The following SNTG1 variants were observed in gnomAD, a reference collection of about 807,000 sequenced individuals.
SNTG1 encodes gamma-1-syntrophin.
SNTG1 carries 39 observed loss-of-function variants against 74.7 expected under a neutral mutation model. That is an observed-to-expected ratio of 0.52 (90% CI 0.40 to 0.68). SNTG1 has a LOEUF of 0.68. Among genes scored for constraint, SNTG1 ranks in the 30% least tolerant of loss-of-function variants. The probability of loss-of-function intolerance (pLI) is 0.00; values close to 1 mark genes in which losing one functional copy is unlikely to be tolerated. For missense variants in SNTG1, 685 were observed against 609.5 expected, an observed-to-expected ratio of 1.12 and a Z score of -1.30; for synonymous variants, 254 against 217.1, an observed-to-expected ratio of 1.17 and a Z score of -1.49.
intron 2 of SNTG1, among the ~76,000 whole-genome samples, chr8:50,180,357 C>T (rs2083157207): frequency 6.6e-6 from 1 of 152,104 alleles, no homozygotes; most frequent in Non-Finnish European, 1.5e-5. Flanking sequence ...TATGGTACAG[C>T]ATGAGGACTC....
intron 13 of SNTG1, among the ~76,000 whole-genome samples, chr8:50,598,314 A>G (rs1331955160): frequency 6.6e-6 from 1 of 151,932 alleles, no homozygotes; most frequent in African/African-American, 2.4e-5. Context: ...GAGTATAGAC[A>G]TGCAGTTTTC....
At chr8:50,378,948 C>T (rs56370038) in intron 2 of SNTG1, among the ~76,000 whole-genome samples, 7,944 of 152,138 alleles carry the variant, frequency 0.052, 459 homozygotes, top group South Asian at 0.17. Flanking sequence ...ACAGCCTGTC[C>T]CCCAGCCTTC....
intron 1 of SNTG1, among the ~76,000 whole-genome samples, chr8:49,947,827 T>A (rs1190025270): frequency 2.6e-5 from 4 of 152,142 alleles, no homozygotes; most frequent in African/African-American, 9.7e-5. Flanking sequence ...AGGCTCTGTG[T>A]TGATATTAAA....
chr8:50,195,910 G>A (rs1210469240), intron 2 of SNTG1, among the ~76,000 whole-genome samples: 1 of 152,118 alleles, frequency 6.6e-6, no homozygotes, highest in African/African-American at 2.4e-5. Context: ...AAGCTGCTCT[G>A]TCTGGAATTG....
At chr8:50,433,032 C>T (rs569424264) in intron 4 of SNTG1, among the ~76,000 whole-genome samples, 31 of 152,218 alleles carry the variant, frequency 2.0e-4, no homozygotes, top group Non-Finnish European at 3.5e-4. Flanking sequence ...TCCAGTGATC[C>T]ACCTGCCTCG....
intron 2 of SNTG1, among the ~76,000 whole-genome samples, chr8:50,337,685 G>A (rs890325492): frequency 3.9e-5 from 6 of 152,146 alleles, no homozygotes; most frequent in Non-Finnish European, 7.3e-5. Context: ...TGTTAGGGTC[G>A]CAACCCATGG....
chr8:50,580,223 T>G (rs1052626357), intron 12 of SNTG1, among the ~76,000 whole-genome samples: 1 of 152,232 alleles, frequency 6.6e-6, no homozygotes, highest in Non-Finnish European at 1.5e-5. Context: ...TTTGACAAAT[T>G]TGTCCCATTT....
intron 4 of SNTG1, among the ~76,000 whole-genome samples, chr8:50,417,768 C>T (rs1455309094): frequency 1.3e-5 from 2 of 152,112 alleles, no homozygotes; most frequent in Admixed American, 1.3e-4. Flanking sequence ...AAAACAATGC[C>T]CCACTGCCAT....
intron 13 of SNTG1, among the ~76,000 whole-genome samples, chr8:50,619,291 T>C (rs1313379060): frequency 5.3e-5 from 8 of 152,140 alleles, no homozygotes; most frequent in African/African-American, 1.9e-4. Context: ...CAAAATTAGA[T>C]TCAGAAAGGG....
At chr8:50,345,780 C>A (rs2091455393) in intron 2 of SNTG1, among the ~76,000 whole-genome samples, 1 of 152,130 alleles carries the variant, frequency 6.6e-6, no homozygotes, top group African/African-American at 2.4e-5. Flanking sequence ...CTATAAAAGT[C>A]TAAAATTCAA....
chr8:50,582,157 T>C (rs141122511), intron 12 of SNTG1, among the ~76,000 whole-genome samples: 145 of 152,306 alleles, frequency 9.5e-4, no homozygotes, highest in Non-Finnish European at 1.7e-3. Flanking sequence ...ATTTTGTTTG[T>C]TTGATTGCTT....
At chr8:50,291,799 G>C (rs1456018925) in intron 2 of SNTG1, among the ~76,000 whole-genome samples, 1 of 152,164 alleles carries the variant, frequency 6.6e-6, no homozygotes, top group Non-Finnish European at 1.5e-5. Context: ...AAGGTGTCAT[G>C]AATAAAGCTA....
chr8:49,948,265 C>T (rs773567368), intron 1 of SNTG1, among the ~76,000 whole-genome samples: 20 of 152,162 alleles, frequency 1.3e-4, no homozygotes, highest in Non-Finnish European at 2.2e-4. Flanking sequence ...CTAACATTAA[C>T]TCAATTCATG....
intron 2 of SNTG1, among the ~76,000 whole-genome samples, chr8:50,209,680 T>A (rs954620383): frequency 5.3e-5 from 8 of 151,808 alleles, no homozygotes; most frequent in African/African-American, 1.7e-4. Flanking sequence ...GAAGGAAAAA[T>A]AAGAAACAGA....
chr8:50,255,236 CAT>C (rs1342493528), intron 2 of SNTG1, among the ~76,000 whole-genome samples: 1 of 152,134 alleles, frequency 6.6e-6, no homozygotes, highest in Non-Finnish European at 1.5e-5. Context: ...TAGAATGAAA[CAT>C]AAGCATTTGT....
intron 9 of SNTG1, among the ~76,000 whole-genome samples, chr8:50,510,233 G>T (rs931925386): frequency 6.6e-6 from 1 of 152,152 alleles, no homozygotes; most frequent in African/African-American, 2.4e-5. Context: ...ATTTGCATAT[G>T]TTGAGCCAGC....
At chr8:50,542,320 T>A in intron 11 of SNTG1, among the ~76,000 whole-genome samples, 1 of 151,780 alleles carries the variant, frequency 6.6e-6, no homozygotes, top group East Asian at 1.9e-4. Flanking sequence ...CATGCCCTGC[T>A]AATTTTTTGT....
intron 2 of SNTG1, among the ~76,000 whole-genome samples, chr8:50,208,539 TG>T (rs2084356714): frequency 6.6e-6 from 1 of 152,224 alleles, no homozygotes; most frequent in African/African-American, 2.4e-5. Flanking sequence ...GTCTTTTAAT[TG>T]GAGCAACTAT....
intron 1 of SNTG1, among the ~76,000 whole-genome samples, chr8:49,954,562 A>G (rs149604402): frequency 0.013 from 1,961 of 152,280 alleles, 50 homozygotes; most frequent in African/African-American, 0.043. Flanking sequence ...AGTTTCTTTC[A>G]GTCTTTAATT....
Sources: allele counts gnomAD v4.1 joint callset (sites outside exome capture counted in the v4.1 genomes callset), GRCh38; gene constraint gnomAD v4.1.1; transcripts MANE v1.5; gene names NCBI Gene and HGNC (gene_info 2026-07-23, HGNC 2026-07-21).